ZNF585B: variants seen among roughly 807,000 people sequenced by gnomAD.
The protein encoded by ZNF585B is zinc finger protein 41-like protein.
A neutral mutation model predicts 14.0 loss-of-function variants in ZNF585B; 7 were observed. The observed-to-expected ratio is 0.50, with a 90% CI of 0.28 to 0.94. ZNF585B has a LOEUF of 0.94. ZNF585B is among the 40% of genes least tolerant of loss of function. The pLI, the probability that ZNF585B is intolerant of heterozygous loss-of-function variation, is 0.09. For synonymous variants in ZNF585B, 290 were observed against 317.3 expected (o/e 0.91, Z 0.91); for missense variants, 750 against 924.4 (o/e 0.81, Z 2.45).
At chr19:37,204,101 C>G (rs1193932106) in intron 2 of ZNF585B, among the ~76,000 whole-genome samples, 2 of 152,014 alleles carry the variant, frequency 1.3e-5, no homozygotes, top group East Asian at 3.9e-4. Context: ...TAAAATAGTT[C>G]AAAGATACAT....
rs775467627 is a variant in ZNF585B, at chr19:37,187,077, C to G, written c.460G>C (p.Gly154Arg). The change falls in exon 5 of 5, where the codon GGA becomes CGA. Residue 154 changes from glycine to arginine, a missense_variant. Transcript: ENST00000532828. The part of the protein sequence containing the change: ...QFKVHLKVPT[G>R]EKLYVCIECG... ...TCAATACATACATAGAGTTTTTCTC[C>G]TGTAGGAACTTTCAGATGTACCTTG... 1 of 1,613,914 alleles carries G rather than the reference C, an allele frequency of 6.2e-7. No individual in the cohort carries two copies. The highest frequency in any genetic ancestry group is 1.3e-5 in the African/African-American group (1 of 75,032).
intron 2 of ZNF585B, among the ~76,000 whole-genome samples, chr19:37,203,217 A>G (rs1209080526): frequency 6.6e-6 from 1 of 152,014 alleles, no homozygotes; most frequent in African/African-American, 2.4e-5. Flanking sequence ...AGTTGAAACC[A>G]TAACTGCTTT....
Position 37,184,498 on chromosome 19 carries a change from AAGAAAGAG to A in ZNF585B, c.*721_*728del, listed in dbSNP as rs1972307834. The stretch of plus-strand genomic sequence containing the variant: ...AAAGAAAGAAAGAAAGAAAGAAAGA[AAGAAAGAG>A]AAAGAAAGAAAGAAAAAGAAAAAAC... On this transcript the variant is annotated 3_prime_UTR_variant, in exon 5 of 5. Transcript: ENST00000532828. 1.2e-5 allele frequency: 1 copy of A among 86,328 alleles called. No homozygotes were observed. Among genetic ancestry groups the A allele is most frequent in the African/African-American group, 4.3e-5 (1 of 23,506 alleles). 5.3% of individuals were successfully genotyped at this position (86,328 alleles called of 1,614,324 possible).
chr19:37,208,798 C>G (rs184706032), intron 1 of ZNF585B, among the ~76,000 whole-genome samples: 1 of 152,130 alleles, frequency 6.6e-6, no homozygotes, highest in Non-Finnish European at 1.5e-5. Flanking sequence ...TCGAGACCAG[C>G]CTGGCCAACA....
At chr19:37,191,063 A>G (rs1216057281) in intron 2 of ZNF585B, among the ~76,000 whole-genome samples, 18 of 152,080 alleles carry the variant, frequency 1.2e-4, no homozygotes, top group Admixed American at 1.2e-3. Context: ...TTCAATGTAA[A>G]TTGCAGTCAT....
At chr19:37,197,269 T>C (rs573243294) in intron 2 of ZNF585B, among the ~76,000 whole-genome samples, 12 of 152,212 alleles carry the variant, frequency 7.9e-5, no homozygotes, top group Non-Finnish European at 1.6e-4. Flanking sequence ...CTCAGAATGA[T>C]GGTTTCCAGC....
intron 2 of ZNF585B, 141 bp from the exon 3 acceptor site, chr19:37,190,291 G>A: frequency 7.9e-7 from 1 of 1,265,562 alleles, no homozygotes; most frequent in East Asian, 2.6e-5. Context: ...TGTTCCCCAG[G>A]CTGGAGTGCA....
chr19:37,188,452 C>T (rs1213277686), intron 4 of ZNF585B, among the ~76,000 whole-genome samples: 2 of 152,148 alleles, frequency 1.3e-5, no homozygotes, highest in South Asian at 2.1e-4. Context: ...TGCCATTGCA[C>T]TCCAGCCTGG....
rs765545252 is a variant in ZNF585B at position 37,190,099 on chromosome 19, G to T, written c.124C>A (p.Arg42=). The T allele has an allele frequency of 1.5e-5, 25 of 1,614,030 alleles. No individual in the cohort carries two copies. The highest frequency in any genetic ancestry group is 2.1e-5 in the Non-Finnish European group (25 of 1,180,046). Residue 42 remains arginine (R), a synonymous_variant, in exon 3 of 5, where the codon CGG becomes AGG. Transcript: ENST00000532828. Reference sequence around the variant, plus strand: ...TTTCTCTGAGAAAGGTCCAGGTGCCGCCATTCCTCTCTGCTGAAATCGATA... The same window carrying T: ...TTTCTCTGAGAAAGGTCCAGGTGCCTCCATTCCTCTCTGCTGAAATCGATA... ...VAIDFSREEW[R]HLDLSQRNLY...
rs1036447258 is a variant in ZNF585B, at chr19:37,199,595, A to C, written c.72+7445T>G. ...TCAAAGATAATACTAAGCATCGCCT[A>C]ATGTACAAAGATACTATGAGCAAAA... On this transcript the variant is annotated intron_variant, in intron 2 of 4. Coordinates refer to ENST00000532828, the MANE Select transcript of ZNF585B (RefSeq NM_152279.4). The C allele has an allele frequency of 7.1e-5, 26 of 363,948 alleles. No individual in the cohort carries two copies. In the Middle Eastern group the frequency reaches 2.2e-3, roughly 31 times the overall value. The allele number at this position is 363,948 out of a possible 1,614,324, so 22.5% of individuals were successfully genotyped here. A position where few individuals can be genotyped will look rare whatever the true frequency, so the allele number is the denominator to read the frequency against.
chr19:37,199,072 G>C, intron 2 of ZNF585B: 1 of 1,387,970 alleles, frequency 7.2e-7, no homozygotes, highest in East Asian at 2.5e-5. Context: ...GAATATACAT[G>C]TTCTAATTTT....
chr19:37,208,355 A>C (rs1972609269), intron 1 of ZNF585B, among the ~76,000 whole-genome samples: 1 of 152,188 alleles, frequency 6.6e-6, no homozygotes. Flanking sequence ...GGATATTAAA[A>C]TAATTTTCAG....
At position 37,184,456 on chromosome 19, in the gene ZNF585B, G is replaced by GA. The variant is rs1568504963; in HGVS notation, c.*770dup. On this transcript the variant is annotated 3_prime_UTR_variant, in exon 5 of 5. Transcript: ENST00000532828. Reference sequence around the variant, plus strand: ...AGAAAGAAAGAAGGAAAGAAAGAAAGAAAGAAAGAAAGAAAGAAAGAAAGA... The same window carrying GA: ...AGAAAGAAAGAAGGAAAGAAAGAAAGAAAAGAAAGAAAGAAAGAAAGAAAGA... 4.3e-5 allele frequency: 4 copies of GA among 94,006 alleles called. 1 individual carries two copies. In the Admixed American group the frequency reaches 5.1e-4, roughly 12 times the overall value. 5.8% of individuals were successfully genotyped at this position (94,006 alleles called of 1,614,324 possible). A position where few individuals can be genotyped will look rare whatever the true frequency, so the allele number is the denominator to read the frequency against.
At chr19:37,187,972 A>C (rs530916132) in intron 4 of ZNF585B, among the ~76,000 whole-genome samples, 1 of 152,312 alleles carries the variant, frequency 6.6e-6, no homozygotes, top group East Asian at 1.9e-4. Flanking sequence ...ATTCACTTTA[A>C]ATTTTACAAC....
chr19:37,207,979 AT>A (rs1401450834), intron 1 of ZNF585B, among the ~76,000 whole-genome samples: 1 of 151,392 alleles, frequency 6.6e-6, no homozygotes, highest in African/African-American at 2.4e-5. Flanking sequence ...CTCACACAAT[AT>A]TTTTTTCTTT....
At chr19:37,189,971 T>G in intron 3 of ZNF585B, 53 bp downstream of exon 3, 1 of 1,603,338 alleles carries the variant, frequency 6.2e-7, no homozygotes, top group Non-Finnish European at 8.5e-7. Context: ...CAACTGAGAA[T>G]GAAAACACTC....
rs1972288982 is a variant in ZNF585B at position 37,183,868 on chromosome 19, T to C, written c.*1359A>G. ...TGTAAGATAATGATTTCATGACTTA[T>C]CAACTTATGAAAGTCAGATCATTAA... On this transcript the variant is annotated 3_prime_UTR_variant, in exon 5 of 5. Coordinates refer to ENST00000532828, the MANE Select transcript of ZNF585B (RefSeq NM_152279.4). 6.6e-6 allele frequency: 1 copy of C among 151,840 alleles called. No homozygotes were observed. Among genetic ancestry groups the C allele is most frequent in the South Asian group, 2.1e-4 (1 of 4,818 alleles). The allele number at this position is 151,840 out of a possible 1,614,324, so 9.4% of individuals were successfully genotyped here.
At position 37,184,483 on chromosome 19, in the gene ZNF585B, A is replaced by G. The variant is rs186849839; in HGVS notation, c.*744T>C. 14 of 125,294 alleles carry G rather than the reference A, an allele frequency of 1.1e-4. No individual in the cohort carries two copies. In the Admixed American group the frequency reaches 1.2e-3, roughly 10 times the overall value. 7.8% of individuals were successfully genotyped at this position (125,294 alleles called of 1,614,324 possible). The stretch of plus-strand genomic sequence containing the variant: ...AAGAAAGAAAGAAAGAAAGAAAGAA[A>G]GAAAGAAAGAAAGAAAGAAAGAGAA... On this transcript the variant is annotated 3_prime_UTR_variant, in exon 5 of 5. Coordinates refer to ENST00000532828, the MANE Select transcript of ZNF585B (RefSeq NM_152279.4).
At chr19:37,190,940 AT>A (rs1172892858) in intron 2 of ZNF585B, among the ~76,000 whole-genome samples, 10 of 152,164 alleles carry the variant, frequency 6.6e-5, no homozygotes, top group Non-Finnish European at 1.5e-4. Flanking sequence ...CATACAGAAA[AT>A]TAGAAAGAAT....
Sources: gnomAD v4.1 joint callset for allele counts (sites outside exome capture counted in the v4.1 genomes callset) on GRCh38, gnomAD v4.1.1 for gene constraint, MANE v1.5 for transcripts, NCBI Gene and HGNC (gene_info 2026-07-23, HGNC 2026-07-21) for gene names.